Variants in NDUFB5 observed in about 807,000 individuals in gnomAD.
The protein encoded by NDUFB5 is NADH dehydrogenase [ubiquinone] 1 beta subcomplex subunit 5, mitochondrial.
Under a neutral mutation model 19.4 loss-of-function variants are expected in NDUFB5, and 19 were observed. The observed-to-expected ratio is 0.98, with a 90% confidence interval of 0.68 to 1.43. The LOEUF is 1.43. NDUFB5 is among the 40% of genes most tolerant of loss of function. NDUFB5 has a pLI of 0.00. For synonymous variants in NDUFB5, 80 were observed against 82.6 expected, an observed-to-expected ratio of 0.97 and a Z score of 0.17; for missense variants, 233 against 236.5, an observed-to-expected ratio of 0.99 and a Z score of 0.10.
At chr3:179,609,735 C>G (rs1719190682) in intron 1 of NDUFB5, among the ~76,000 whole-genome samples, 1 of 152,152 alleles carries the variant, frequency 6.6e-6, no homozygotes, top group Non-Finnish European at 1.5e-5. Context: ...TACAAAGATT[C>G]CACTTCCTCC....
chr3:179,615,791 T>G, intron 2 of NDUFB5, 192 bp from the exon 3 acceptor site: 1 of 622,750 alleles, frequency 1.6e-6, no homozygotes, highest in Non-Finnish European at 2.8e-6. Context: ...ACTTTTGTTC[T>G]TAACATATTA....
chr3:179,615,184 A>G (rs1174877343), intron 2 of NDUFB5, 125 bp downstream of exon 2: 1 of 505,148 alleles, frequency 2.0e-6, no homozygotes, highest in East Asian at 3.3e-5. Flanking sequence ...TTCTTTCTGT[A>G]GAAGATACTG....
intron 5 of NDUFB5, among the ~76,000 whole-genome samples, chr3:179,622,058 C>CCTGGGCTTAAG (rs1271581138): frequency 1.3e-5 from 2 of 152,188 alleles, no homozygotes; most frequent in Non-Finnish European, 2.9e-5. Flanking sequence ...GCCCCGACCT[C>CCTGGGCTTAAG]CTGGGCTTAA....
In NDUFB5 at chr3:179,624,604, C is replaced by CACACACACACAT. The variant is rs3832244; in HGVS notation, c.*564_*565insACACACACACAT. The CACACACACACAT allele has an allele frequency of 1.3e-5, 2 of 150,072 alleles. No homozygotes were observed. Among genetic ancestry groups the CACACACACACAT allele is most frequent in the African/African-American group, 4.9e-5 (2 of 40,580 alleles). The allele number at this position is 150,072 out of a possible 1,614,324, so 9.3% of individuals were successfully genotyped here. On this transcript the variant is annotated 3_prime_UTR_variant, in exon 6 of 6. Transcript: ENST00000259037. Reference sequence around the variant, plus strand: ...ACACACACACACACACACACACACACGCTCTTTTCCTAGATGCAATCTCTG... The same window carrying CACACACACACAT: ...ACACACACACACACACACACACACACACACACACACATGCTCTTTTCCTAGATGCAATCTCTG...
At position 179,615,281 on chromosome 3, in the gene NDUFB5, G is replaced by A; in HGVS notation, c.213+222G>A. 4 of 328,216 alleles carry A rather than the reference G, an allele frequency of 1.2e-5. No individual in the cohort carries two copies. In the South Asian group the frequency reaches 1.6e-4, roughly 13 times the overall value. 20.3% of individuals were successfully genotyped at this position (328,216 alleles called of 1,614,324 possible). A position where few individuals can be genotyped will look rare whatever the true frequency, so the allele number is the denominator to read the frequency against. ...ACAAAAGGATTTACACTAAATGGAG[G>A]TAAAACTTGAACCATTCCTTTCTTC... On this transcript the variant is annotated intron_variant, in intron 2 of 5. Coordinates refer to ENST00000259037, the MANE Select transcript of NDUFB5 (RefSeq NM_002492.4).
chr3:179,624,922 C>T lies in NDUFB5; in HGVS notation c.*882C>T, dbSNP rs544471617. 6.6e-6 allele frequency: 1 copy of T among 151,334 alleles called. No homozygotes were observed. Among genetic ancestry groups the T allele is most frequent in the Non-Finnish European group, 1.5e-5 (1 of 67,986 alleles). The allele number at this position is 151,334 out of a possible 1,614,324, so 9.4% of individuals were successfully genotyped here. A position where few individuals can be genotyped will look rare whatever the true frequency, so the allele number is the denominator to read the frequency against. On this transcript the variant is annotated 3_prime_UTR_variant, in exon 6 of 6. Transcript: ENST00000259037. ...ATTCTTGTCTCAGCCTCCCAAGTAG[C>T]TGGGATTACAGGCACCCACCACCAC...
chr3:179,612,701 C>G (rs1719277799), intron 1 of NDUFB5, among the ~76,000 whole-genome samples: 3 of 151,888 alleles, frequency 2.0e-5, no homozygotes, highest in African/African-American at 7.3e-5. Flanking sequence ...TGGTCTCAAT[C>G]TCCTGATCTC....
intron 5 of NDUFB5, among the ~76,000 whole-genome samples, chr3:179,621,093 C>T (rs1553782088): frequency 6.6e-6 from 1 of 151,636 alleles, no homozygotes; most frequent in Non-Finnish European, 1.5e-5. Flanking sequence ...CTTCCCCCCG[C>T]CCGAGACAAA....
chr3:179,612,639 G>A (rs1448685764), intron 1 of NDUFB5, among the ~76,000 whole-genome samples: 2 of 151,076 alleles, frequency 1.3e-5, no homozygotes, highest in Non-Finnish European at 2.9e-5. Context: ...ACCACACCCG[G>A]CTATTTTTTT....
chr3:179,619,350 C>G lies in NDUFB5; in HGVS notation c.449+829C>G, dbSNP rs541478173. 1.4e-4 allele frequency among the ~76,000 whole-genome samples: 21 copies of G among 151,812 alleles called. No individual in the cohort carries two copies. In the South Asian group the frequency reaches 4.4e-3, roughly 32 times the overall value. On this transcript the variant is annotated intron_variant, in intron 5 of 5. Transcript: ENST00000259037. ...TATCTCCTAATGCTATCCCTCCCCCCTCCACCCACCCCACAACAGGCCCCA... is the reference window on the plus strand; with the variant it reads ...TATCTCCTAATGCTATCCCTCCCCCGTCCACCCACCCCACAACAGGCCCCA...
At position 179,624,572 on chromosome 3, in the gene NDUFB5, T is replaced by TATACACACACACACAC. The variant is rs750458055; in HGVS notation, c.*533_*534insTACACACACACACACA. On this transcript the variant is annotated 3_prime_UTR_variant, in exon 6 of 6. Coordinates refer to ENST00000259037, the MANE Select transcript of NDUFB5 (RefSeq NM_002492.4). ...AACTACACACAGACACACAGACACG[T>TATACACACACACACAC]ACACACACACACACACACACACACA... 1.6e-5 allele frequency: 2 copies of TATACACACACACACAC among 128,390 alleles called. No individual in the cohort carries two copies. The highest frequency in any genetic ancestry group is 3.2e-5 in the African/African-American group (1 of 31,536). The allele number at this position is 128,390 out of a possible 1,614,324, so 8.0% of individuals were successfully genotyped here. A position where few individuals can be genotyped will look rare whatever the true frequency, so the allele number is the denominator to read the frequency against.
intron 1 of NDUFB5, among the ~76,000 whole-genome samples, chr3:179,613,094 T>C (rs1719289922): frequency 6.6e-6 from 1 of 152,188 alleles, no homozygotes. Context: ...AAAGACTCTT[T>C]TGGGACCCCA....
chr3:179,623,870 T>A (rs767544420), intron 5 of NDUFB5, 50 bp from the exon 6 acceptor site: 14 of 1,609,580 alleles, frequency 8.7e-6, no homozygotes, highest in Non-Finnish European at 1.2e-5. Context: ...CTCATTAAAT[T>A]TATAATTGGA....
intron 1 of NDUFB5, among the ~76,000 whole-genome samples, chr3:179,610,840 C>T (rs893007274): frequency 6.6e-6 from 1 of 152,284 alleles, no homozygotes; most frequent in South Asian, 2.1e-4. Flanking sequence ...GACTGATATG[C>T]ATAAATTATG....
chr3:179,621,034 G>T (rs1164078268), intron 5 of NDUFB5, among the ~76,000 whole-genome samples: 1 of 152,056 alleles, frequency 6.6e-6, no homozygotes, highest in Non-Finnish European at 1.5e-5. Context: ...TCTTTGTAAA[G>T]TTGAGTAGTT....
chr3:179,613,237 T>A (rs576248334), intron 1 of NDUFB5, among the ~76,000 whole-genome samples: 1 of 152,296 alleles, frequency 6.6e-6, no homozygotes, highest in Admixed American at 6.5e-5. Flanking sequence ...GCCAGGTTAC[T>A]GCAGTAATTA....
At chr3:179,608,483 G>A (rs1310465837) in intron 1 of NDUFB5, among the ~76,000 whole-genome samples, 2 of 152,054 alleles carry the variant, frequency 1.3e-5, no homozygotes, top group East Asian at 1.9e-4. Flanking sequence ...ATGAGCCACC[G>A]CGCCCTGCCA....
chr3:179,612,475 CTTTT>C (rs760879075), intron 1 of NDUFB5, among the ~76,000 whole-genome samples: 1 of 122,860 alleles, frequency 8.1e-6, no homozygotes, highest in Non-Finnish European at 1.7e-5. Context: ...TGCATTAAAC[CTTTT>C]TTTTTTTTTT....
intron 1 of NDUFB5, chr3:179,607,874 G>A (rs1478342980): frequency 5.8e-6 from 4 of 688,446 alleles, no homozygotes; most frequent in African/African-American, 1.8e-5. Context: ...GCATATTTAT[G>A]TCGTAGCATA....
Sources: allele counts gnomAD v4.1 joint callset (sites outside exome capture counted in the v4.1 genomes callset), GRCh38; gene constraint gnomAD v4.1.1; transcripts MANE v1.5; gene names NCBI Gene and HGNC (gene_info 2026-07-23, HGNC 2026-07-21).